Variants in SMARCC1 observed in about 807,000 individuals in gnomAD.
SMARCC1 encodes SWI/SNF complex subunit SMARCC1.
SMARCC1 carries 43 observed loss-of-function variants against 147.4 expected under a neutral mutation model. The observed-to-expected ratio is 0.29, with a 90% CI of 0.23 to 0.38. SMARCC1 has a LOEUF of 0.38. SMARCC1 is among the 10% of genes least tolerant of loss of function. The pLI is 1.00. For missense variants in SMARCC1, 1,119 were observed against 1,381.1 expected (o/e 0.81, Z 3.01); for synonymous variants, 495 against 484.4 (o/e 1.02, Z -0.29).
chr3:47,727,617 G>GTT (rs1019175816), intron 6 of SMARCC1, among the ~76,000 whole-genome samples: 2 of 145,050 alleles, frequency 1.4e-5, no homozygotes, highest in East Asian at 2.0e-4. Context: ...GTTGTTTTTT[G>GTT]TTTTTTTTTT....
intron 2 of SMARCC1, among the ~76,000 whole-genome samples, chr3:47,765,819 G>A (rs982508564): frequency 6.6e-6 from 1 of 151,104 alleles, no homozygotes; most frequent in Non-Finnish European, 1.5e-5. Context: ...TGCAACCTCC[G>A]CCTCCTGGGG....
chr3:47,730,635 G>A (rs1207318543), intron 5 of SMARCC1, among the ~76,000 whole-genome samples: 1 of 152,158 alleles, frequency 6.6e-6, no homozygotes, highest in Non-Finnish European at 1.5e-5. Context: ...GGAGGTCAAG[G>A]TGGGTGGATC....
At chr3:47,762,892 CTG>C (rs1559666212) in intron 2 of SMARCC1, among the ~76,000 whole-genome samples, 2 of 152,102 alleles carry the variant, frequency 1.3e-5, no homozygotes, top group African/African-American at 4.8e-5. Flanking sequence ...CGGTGAAACC[CTG>C]TCTCTACTAA....
intron 13 of SMARCC1, among the ~76,000 whole-genome samples, chr3:47,687,442 T>G (rs958747047): frequency 1.3e-5 from 2 of 152,192 alleles, no homozygotes; most frequent in African/African-American, 4.8e-5. Context: ...TAAGTTTTAA[T>G]GACTTCAATC....
intron 26 of SMARCC1, among the ~76,000 whole-genome samples, chr3:47,600,062 TA>T (rs1049608496): frequency 1.3e-5 from 2 of 152,162 alleles, no homozygotes; most frequent in Non-Finnish European, 2.9e-5. Flanking sequence ...GCCCAACAGC[TA>T]AAAAAACCTT....
At chr3:47,775,800 T>C (rs1235123069) in intron 1 of SMARCC1, among the ~76,000 whole-genome samples, 2 of 147,166 alleles carry the variant, frequency 1.4e-5, no homozygotes, top group East Asian at 4.2e-4. Context: ...TCTCAAAAAA[T>C]ATAAAATAAA....
At chr3:47,777,057 A>G (rs995095547) in intron 1 of SMARCC1, among the ~76,000 whole-genome samples, 7 of 150,296 alleles carry the variant, frequency 4.7e-5, no homozygotes, top group African/African-American at 1.7e-4. Context: ...TATAGGCGTG[A>G]GCCACTACAC....
At chr3:47,612,397 A>C (rs1418761764) in intron 25 of SMARCC1, among the ~76,000 whole-genome samples, 2 of 152,170 alleles carry the variant, frequency 1.3e-5, no homozygotes, top group Non-Finnish European at 2.9e-5. Flanking sequence ...TCCTACTGTT[A>C]TGTAAGAACT....
chr3:47,700,341 C>A (rs890993298), intron 11 of SMARCC1, among the ~76,000 whole-genome samples: 2 of 152,162 alleles, frequency 1.3e-5, no homozygotes, highest in Non-Finnish European at 2.9e-5. Context: ...AAGCTGCTCC[C>A]ACAAAGATGG....
intron 14 of SMARCC1, among the ~76,000 whole-genome samples, chr3:47,683,842 G>C (rs967512094): frequency 6.6e-6 from 1 of 152,074 alleles, no homozygotes; most frequent in African/African-American, 2.4e-5. Context: ...GTAAGTTCTG[G>C]TATTTATGTT....
At position 47,678,181 on chromosome 3, in the gene SMARCC1, A is replaced by G. The variant is rs1210037218; in HGVS notation, c.1571+17T>C. 6.9e-7 allele frequency: 1 copy of G among 1,443,312 alleles called. No homozygotes were observed. 89.4% of individuals were successfully genotyped at this position (1,443,312 alleles called of 1,614,324 possible). On this transcript the variant is annotated intron_variant, in intron 16 of 27. Coordinates refer to ENST00000254480, the MANE Select transcript of SMARCC1 (RefSeq NM_003074.4). ...ATTCCTACAGTTAAATGTCTCAGAA[A>G]AAGTCAAACAGTTTACCTCATCACA...
chr3:47,677,210 C>T (rs1006841219), intron 16 of SMARCC1, among the ~76,000 whole-genome samples: 18 of 152,190 alleles, frequency 1.2e-4, no homozygotes, highest in Non-Finnish European at 2.5e-4. Flanking sequence ...AGAGATTCTC[C>T]TGCCTCAGCC....
intron 24 of SMARCC1, among the ~76,000 whole-genome samples, chr3:47,630,477 T>A (rs2032871726): frequency 6.6e-6 from 1 of 152,116 alleles, no homozygotes; most frequent in African/African-American, 2.4e-5. Flanking sequence ...GATAAATGAT[T>A]AACAAGAAGC....
At chr3:47,743,293 A>G (rs964267060) in intron 3 of SMARCC1, among the ~76,000 whole-genome samples, 3 of 152,250 alleles carry the variant, frequency 2.0e-5, no homozygotes, top group Non-Finnish European at 4.4e-5. Context: ...AACTGGACAC[A>G]TAACTATACC....
chr3:47,718,846 G>T (rs777351845), intron 7 of SMARCC1, among the ~76,000 whole-genome samples: 2 of 151,952 alleles, frequency 1.3e-5, no homozygotes, highest in Non-Finnish European at 2.9e-5. Flanking sequence ...GAAAAATATA[G>T]TACAAACAAT....
chr3:47,735,564 G>A (rs2034431651), intron 5 of SMARCC1, among the ~76,000 whole-genome samples: 1 of 152,054 alleles, frequency 6.6e-6, no homozygotes, highest in Admixed American at 6.6e-5. Context: ...GAGGTCAGGA[G>A]TTCGAGACCA....
intron 15 of SMARCC1, 84 bp downstream of exon 15, chr3:47,680,353 A>T: frequency 1.1e-6 from 1 of 874,394 alleles, no homozygotes; most frequent in Non-Finnish European, 1.9e-6. Context: ...TCCAAGAATC[A>T]GCAATAAGGA....
intron 2 of SMARCC1, among the ~76,000 whole-genome samples, chr3:47,750,958 C>T (rs917164398): frequency 3.3e-5 from 5 of 151,080 alleles, no homozygotes; most frequent in South Asian, 4.2e-4. Flanking sequence ...AGTGCAGTGG[C>T]GCAATCTCAG....
At chr3:47,733,792 A>G (rs11714942) in intron 5 of SMARCC1, among the ~76,000 whole-genome samples, 89,754 of 148,800 alleles carry the variant, frequency 0.6, 28,387 homozygotes, top group East Asian at 0.72. Context: ...TGAACCCAGG[A>G]GGCAGAGCTT....
Sources: allele counts gnomAD v4.1 joint callset (sites outside exome capture counted in the v4.1 genomes callset), GRCh38; gene constraint gnomAD v4.1.1; transcripts MANE v1.5; gene names NCBI Gene and HGNC (gene_info 2026-07-23, HGNC 2026-07-21).